The following FSTL4 variants were observed in gnomAD, a reference collection of about 807,000 sequenced individuals.
FSTL4 encodes follistatin-related protein 4.
In FSTL4, 28 loss-of-function variants were observed where a neutral mutation model predicts 78.2. That is an observed-to-expected ratio of 0.36 (90% CI 0.27 to 0.49). The LOEUF is 0.49. FSTL4 is among the 20% of genes least tolerant of loss of function. FSTL4 has a pLI of 0.98. For synonymous variants in FSTL4, 422 were observed against 440.5 expected, an observed-to-expected ratio of 0.96 and a Z score of 0.53; for missense variants, 922 against 1,084.9, an observed-to-expected ratio of 0.85 and a Z score of 2.11.
chr5:133,277,252 G>A (rs1752904049), intron 6 of FSTL4, among the ~76,000 whole-genome samples: 1 of 152,102 alleles, frequency 6.6e-6, no homozygotes, highest in South Asian at 2.1e-4. Flanking sequence ...GGCAGAGGCT[G>A]CAGTGAGCCG....
At chr5:133,678,186 A>G in the FSTL4 span, among the ~76,000 whole-genome samples, 1 of 152,216 alleles carries the variant, frequency 6.6e-6, no homozygotes, top group Non-Finnish European at 1.5e-5. Flanking sequence ...AAACCAATAC[A>G]TGTAGATGAT....
intron 3 of FSTL4, among the ~76,000 whole-genome samples, chr5:133,446,036 T>C (rs1309442180): frequency 6.6e-6 from 1 of 152,176 alleles, no homozygotes; most frequent in South Asian, 2.1e-4. Context: ...AAGTGATTGA[T>C]TGTAGGGTAT....
chr5:133,353,311 T>C (rs1754870285), intron 4 of FSTL4, among the ~76,000 whole-genome samples: 1 of 152,244 alleles, frequency 6.6e-6, no homozygotes, highest in Admixed American at 6.5e-5. Flanking sequence ...AAAGTTCTTT[T>C]CTTGAATGGC....
Position 133,202,008 on chromosome 5 carries a change from T to A in FSTL4, c.1751A>T (p.His584Leu). Residue 584 changes from histidine (H) to leucine (L), a missense_variant, in exon 15 of 16, where the codon CAC (histidine) becomes CTC (leucine). Physicochemically the swap from His to Leu is moderately conservative, Grantham distance 99. Transcript: ENST00000265342. ...TCCTGCAAAGGGTGTGCGGATGAGG[T>A]GCTGGCTCTGGCCGGTGCTGGCTTC... ...ITEASTGQSQ[H>L]LIRTPFAGVD... 6.2e-7 allele frequency: 1 copy of A among 1,611,924 alleles called. No individual in the cohort carries two copies. The highest frequency in any genetic ancestry group is 8.5e-7 in the Non-Finnish European group (1 of 1,178,628).
intron 6 of FSTL4, among the ~76,000 whole-genome samples, chr5:133,295,996 G>A (rs112334661): frequency 3.3e-4 from 50 of 152,188 alleles, no homozygotes; most frequent in African/African-American, 1.0e-3. Flanking sequence ...CCCTCTCCTC[G>A]TCTATCCAAC....
At chr5:133,378,288 A>G (rs1382264328) in intron 4 of FSTL4, among the ~76,000 whole-genome samples, 1 of 152,230 alleles carries the variant, frequency 6.6e-6, no homozygotes, top group African/African-American at 2.4e-5. Context: ...TTTAAAAGCA[A>G]TTGTATAAAA....
chr5:133,309,232 G>T (rs921419735), intron 6 of FSTL4, among the ~76,000 whole-genome samples: 7 of 152,212 alleles, frequency 4.6e-5, no homozygotes, highest in Non-Finnish European at 7.4e-5. Flanking sequence ...CCTTGTTGGG[G>T]TGGTGGGGGG....
chr5:133,493,262 G>T (rs1758306101), intron 3 of FSTL4, among the ~76,000 whole-genome samples: 1 of 152,158 alleles, frequency 6.6e-6, no homozygotes, highest in Non-Finnish European at 1.5e-5. Flanking sequence ...TATGTTGTAG[G>T]TTGAGATTTT....
the FSTL4 span, among the ~76,000 whole-genome samples, chr5:133,661,512 T>C: frequency 1.3e-5 from 2 of 152,344 alleles, no homozygotes; most frequent in African/African-American, 4.8e-5. Flanking sequence ...AAGTAATAGA[T>C]GTAGTGTCAG....
rs749245922 is a variant in FSTL4 at position 133,447,439 on chromosome 5, C to A, written c.161-46453G>T. On this transcript the variant is annotated intron_variant, in intron 3 of 15. Transcript: ENST00000265342. Reference sequence around the variant, plus strand: ...CTGGCTGGCAGATCAGAAAGAATGACCCGCTTCATAAGATGGTAGGTCTGG... The same window carrying A: ...CTGGCTGGCAGATCAGAAAGAATGAACCGCTTCATAAGATGGTAGGTCTGG... Among the ~76,000 whole-genome samples the A allele has an allele frequency of 5.9e-5, 9 of 152,306 alleles. No individual in the cohort carries two copies. In the South Asian group the frequency reaches 1.9e-3, roughly 32 times the overall value.
chr5:133,286,433 G>A (rs185728784), intron 6 of FSTL4, among the ~76,000 whole-genome samples: 73 of 152,292 alleles, frequency 4.8e-4, no homozygotes, highest in African/African-American at 1.8e-3. Context: ...AACTTTTTCT[G>A]AAGAGATCTT....
At chr5:133,360,914 G>A (rs996512499) in intron 4 of FSTL4, among the ~76,000 whole-genome samples, 6 of 152,246 alleles carry the variant, frequency 3.9e-5, no homozygotes, top group Middle Eastern at 3.4e-3. Flanking sequence ...CCATCTTACC[G>A]TGTGTTGCAT....
At chr5:133,254,985 G>A (rs1263673491) in intron 6 of FSTL4, among the ~76,000 whole-genome samples, 1 of 152,218 alleles carries the variant, frequency 6.6e-6, no homozygotes, top group Non-Finnish European at 1.5e-5. Flanking sequence ...GGAAGATGAA[G>A]ATGCCACATG....
chr5:133,559,557 G>A (rs72789123), intron 3 of FSTL4, among the ~76,000 whole-genome samples: 2,626 of 152,286 alleles, frequency 0.017, 33 homozygotes, highest in Middle Eastern at 0.034. Context: ...ATGTGCAGTG[G>A]TTCATACCCT....
At chr5:133,214,610 C>T (rs552525088) in intron 13 of FSTL4, among the ~76,000 whole-genome samples, 1 of 152,304 alleles carries the variant, frequency 6.6e-6, no homozygotes, top group Admixed American at 6.5e-5. Flanking sequence ...CCAGGCTTGA[C>T]TGAGAAAAAA....
intron 3 of FSTL4, among the ~76,000 whole-genome samples, chr5:133,513,016 TC>T (rs1490191420): frequency 3.3e-5 from 5 of 152,228 alleles, no homozygotes; most frequent in African/African-American, 1.2e-4. Context: ...AGATGGGGTT[TC>T]CCCATGTTGG....
At chr5:133,334,346 T>G (rs1345379701) in intron 4 of FSTL4, among the ~76,000 whole-genome samples, 1 of 152,184 alleles carries the variant, frequency 6.6e-6, no homozygotes, top group Non-Finnish European at 1.5e-5. Flanking sequence ...CTGTTTCCCC[T>G]CTACCTGGGC....
Position 133,367,899 on chromosome 5 carries a change from A to G in FSTL4, c.409+32839T>C, listed in dbSNP as rs546728471. On this transcript the variant is annotated intron_variant, in intron 4 of 15. Coordinates refer to ENST00000265342, the MANE Select transcript of FSTL4 (RefSeq NM_015082.2). ...GAAACCTAACACAGTTTCACATTTC[A>G]TTTGGCTGGAACTTTGTTCTCCATG... 6.6e-5 allele frequency among the ~76,000 whole-genome samples: 10 copies of G among 152,374 alleles called. No homozygotes were observed. The East Asian group carries it at 1.9e-3, about 29-fold the overall frequency.
intron 3 of FSTL4, among the ~76,000 whole-genome samples, chr5:133,558,377 G>A (rs1003940133): frequency 7.2e-5 from 11 of 152,164 alleles, no homozygotes; most frequent in African/African-American, 1.2e-4. Flanking sequence ...CTGGAGCCCC[G>A]AAGAACAGGG....
Sources: gnomAD v4.1 joint callset for allele counts (sites outside exome capture counted in the v4.1 genomes callset) on GRCh38, gnomAD v4.1.1 for gene constraint, MANE v1.5 for transcripts, NCBI Gene and HGNC (gene_info 2026-07-23, HGNC 2026-07-21) for gene names.